TIE1: variants seen among roughly 807,000 people sequenced by gnomAD.
TIE1 encodes the protein tyrosine kinase with immunoglobulin like and EGF like domains 1.
Under a neutral mutation model 130.5 loss-of-function variants are expected in TIE1, and 89 were observed. The ratio of observed to expected loss-of-function variants is 0.68; its 90% CI spans 0.57 to 0.81. TIE1 has a LOEUF of 0.81. TIE1 is among the 40% of genes least tolerant of loss of function. TIE1 has a pLI of 0.00. For missense variants in TIE1, 1,392 were observed against 1,559.8 expected, an observed-to-expected ratio of 0.89 and a Z score of 1.81; for synonymous variants, 568 against 629.4, an observed-to-expected ratio of 0.90 and a Z score of 1.46.
rs1165351698 is a variant in TIE1, at chr1:43,317,218, A to C, written c.2429A>C (p.Gln810Pro). 2 of 1,614,092 alleles carry C rather than the reference A, an allele frequency of 1.2e-6. No homozygotes were observed. The highest frequency in any genetic ancestry group is 1.3e-5 in the African/African-American group (1 of 75,004). ...GTGAAGGGCGAGGAGACCATCCTGC[A>C]GTTCAGCTCAGGGACCTTGACACTT... The part of the protein sequence containing the change: ...QSGSGEETIL[Q>P]FSSGTLTLTR... The change falls in exon 15 of 23, where the codon CAG becomes CCG. Residue 810 changes from glutamine to proline, a missense_variant. By Grantham distance (76) the Gln-to-Pro change is moderately conservative. Around this residue, in one of 6 missense-constraint regions of TIE1, gnomAD observed 286 missense variants for 354.4 expected, o/e 0.81. Coordinates refer to ENST00000372476, the MANE Select transcript of TIE1 (RefSeq NM_005424.5). The surrounding 1 kb of genome is among the most constrained non-coding windows in gnomAD (Gnocchi z 5.1).
intron 1 of TIE1, 69 bp from the exon 2 acceptor site, chr1:43,304,782 G>A (rs1570428801): frequency 7.3e-7 from 1 of 1,363,152 alleles, no homozygotes; most frequent in African/African-American, 1.5e-5. Context: ...CCAGAGGGCT[G>A]GGGCTGGGGG....
intron 1 of TIE1, among the ~76,000 whole-genome samples, chr1:43,302,709 A>G (rs1455049467): frequency 2.0e-5 from 3 of 152,112 alleles, no homozygotes; most frequent in Non-Finnish European, 1.5e-5. Context: ...CCTGAGGGCA[A>G]TAGGGAGCCA....
rs1646798360 is a variant in TIE1, at chr1:43,311,884, T to A, written c.1492+55T>A. 8 of 1,587,546 alleles carry A rather than the reference T, an allele frequency of 5.0e-6. No homozygotes were observed. The East Asian group carries it at 6.8e-5, about 13-fold the overall frequency. On this transcript the variant is annotated intron_variant, in intron 10 of 22. Coordinates refer to ENST00000372476, the MANE Select transcript of TIE1 (RefSeq NM_005424.5). ...GAGGTGTTGGGTAATAGTGAAGGGA[T>A]ACAGTGAGCAGGAGAGGGAGGGCAA...
rs139358114 is a variant in TIE1 at position 43,317,286 on chromosome 1, G to C, written c.2497G>C (p.Val833Leu). 1.2e-6 allele frequency: 2 copies of C among 1,614,198 alleles called. No individual in the cohort carries two copies. The highest frequency in any genetic ancestry group is 1.7e-6 in the Non-Finnish European group (2 of 1,180,032). The change falls in exon 15 of 23, where the codon GTG becomes CTG. Residue 833 changes from valine to leucine, a missense_variant. By Grantham distance (32) the Val-to-Leu change is conservative (BLOSUM62 1). This residue lies in a region of TIE1 where 286 missense variants were observed against 354.4 expected (regional missense o/e 0.81). Coordinates refer to ENST00000372476, the MANE Select transcript of TIE1 (RefSeq NM_005424.5). This position sits in a 1 kb window ranked among gnomAD's most constrained non-coding sequence, Gnocchi z 5.1. The stretch of plus-strand genomic sequence containing the variant: ...GCAGCCCGAGCCCCTGAGCTACCCA[G>C]TGCTAGAGTGGGAGGACATCACCTT... ...KLQPEPLSYP[V>L]LEWEDITFED...
Position 43,309,582 on chromosome 1 carries a change from T to C in TIE1, c.1333+50T>C. 2 of 1,525,836 alleles carry C rather than the reference T, an allele frequency of 1.3e-6. No individual in the cohort carries two copies. The highest frequency in any genetic ancestry group is 1.8e-6 in the Non-Finnish European group (2 of 1,138,534). The allele number at this position is 1,525,836 out of a possible 1,614,324, so 94.5% of individuals were successfully genotyped here. ...GGAATGGACGGTGAGCAGAGTAGGCTCTAGATGATGCTGCTCAGGCTGGAG... is the reference window on the plus strand; with the variant it reads ...GGAATGGACGGTGAGCAGAGTAGGCCCTAGATGATGCTGCTCAGGCTGGAG... On this transcript the variant is annotated intron_variant, in intron 9 of 22. Coordinates refer to ENST00000372476, the MANE Select transcript of TIE1 (RefSeq NM_005424.5). The surrounding 1 kb of genome is among the most constrained non-coding windows in gnomAD (Gnocchi z 6.3).
Position 43,306,784 on chromosome 1 carries a change from G to T in TIE1, c.485-56G>T. The T allele has an allele frequency of 6.5e-7, 1 of 1,546,632 alleles. No homozygotes were observed. On this transcript the variant is annotated intron_variant, in intron 3 of 22. Transcript: ENST00000372476. The surrounding 1 kb of genome is among the most constrained non-coding windows in gnomAD (Gnocchi z 4.9). ...TGAGCTGAGCAGAGGTGGACAGAGAGAGGTGACACAGCCCTCATGTAGTGC... is the reference window on the plus strand; with the variant it reads ...TGAGCTGAGCAGAGGTGGACAGAGATAGGTGACACAGCCCTCATGTAGTGC...
Position 43,307,366 on chromosome 1 carries a change from G to T in TIE1, c.773-66G>T. 8 of 1,611,322 alleles carry T rather than the reference G, an allele frequency of 5.0e-6. No homozygotes were observed. The highest frequency in any genetic ancestry group is 6.8e-6 in the Non-Finnish European group (8 of 1,178,268). On this transcript the variant is annotated intron_variant, in intron 5 of 22. Transcript: ENST00000372476. This position sits in a 1 kb window ranked among gnomAD's most constrained non-coding sequence, Gnocchi z 5.4. ...TGTGGGTGGAGCTTGGAGGGTAAGG[G>T]CGACAGGCAGGTCCTGGGCCCAGGG... is the stretch of plus-strand genomic sequence containing the variant.
rs756843407 is a variant in TIE1, at chr1:43,312,400, G to C, written c.1726G>C (p.Val576Leu). ...WSLPLVPGPL[V>L]GDGFLLRLWD... ...CTTGCCCTTGGTGCCCGGGCCACTGGTGGGCGACGGTTTCCTGCTGCGCCT... is the reference window on the plus strand; with the variant it reads ...CTTGCCCTTGGTGCCCGGGCCACTGCTGGGCGACGGTTTCCTGCTGCGCCT... The change falls in exon 12 of 23, where the codon GTG becomes CTG. Residue 576 changes from valine (V) to leucine (L), a missense_variant. Around this residue, in one of 6 missense-constraint regions of TIE1, gnomAD observed 551 missense variants for 565.5 expected, o/e 0.97. Coordinates refer to ENST00000372476, the MANE Select transcript of TIE1 (RefSeq NM_005424.5). The surrounding 1 kb of genome is among the most constrained non-coding windows in gnomAD (Gnocchi z 5.6). 3.1e-6 allele frequency: 5 copies of C among 1,607,000 alleles called. No individual in the cohort carries two copies. Among genetic ancestry groups the C allele is most frequent in the Non-Finnish European group, 4.2e-6 (5 of 1,176,892 alleles).
intron 7 of TIE1, among the ~76,000 whole-genome samples, chr1:43,308,321 C>T (rs1646751333): frequency 1.3e-5 from 2 of 151,854 alleles, no homozygotes; most frequent in African/African-American, 4.8e-5. Flanking sequence ...ATTGGGGACT[C>T]AGGTTTGGGT....
At chr1:43,302,978 A>G in intron 1 of TIE1, among the ~76,000 whole-genome samples, 1 of 152,132 alleles carries the variant, frequency 6.6e-6, no homozygotes. Context: ...TGGCCCTGCC[A>G]CTCACTAATT....
chr1:43,317,840 G>T lies in TIE1; in HGVS notation c.2732-42G>T. On this transcript the variant is annotated intron_variant, in intron 16 of 22. Coordinates refer to ENST00000372476, the MANE Select transcript of TIE1 (RefSeq NM_005424.5). This position sits in a 1 kb window ranked among gnomAD's most constrained non-coding sequence, Gnocchi z 5.1. ...CGGGTGCCTGCTCCCACCCTAGGTT[G>T]CCTGTGTCTAAATCACCACTGTCTG... The T allele has an allele frequency of 6.2e-7, 1 of 1,605,814 alleles. No homozygotes were observed. Among genetic ancestry groups the T allele is most frequent in the South Asian group, 1.1e-5 (1 of 90,424 alleles).
intron 1 of TIE1, chr1:43,302,495 T>C (rs1026869663): frequency 6.6e-6 from 1 of 152,186 alleles, no homozygotes; most frequent in Non-Finnish European, 1.5e-5. Flanking sequence ...GAGGAGGAGT[T>C]CAGCTTACAC....
Position 43,322,694 on chromosome 1 carries a change from G to C in TIE1, c.3389G>C (p.Gly1130Ala). The change falls in exon 23 of 23, where the codon GGC becomes GCC. Residue 1130 changes from glycine (G) to alanine (A), a missense_variant. By Grantham distance (60) the Gly-to-Ala change is moderately conservative. Coordinates refer to ENST00000372476, the MANE Select transcript of TIE1 (RefSeq NM_005424.5). The surrounding 1 kb of genome is among the most constrained non-coding windows in gnomAD (Gnocchi z 4.0). Reference protein sequence around the residue: ...MSLFENFTYAGIDATAEEA With the variant: ...MSLFENFTYAAIDATAEEA The stretch of plus-strand genomic sequence containing the variant: ...CTGTTTGAGAACTTCACTTACGCGG[G>C]CATTGATGCCACAGCTGAGGAGGCC... 1 of 1,614,044 alleles carries C rather than the reference G, an allele frequency of 6.2e-7. No homozygotes were observed. The highest frequency in any genetic ancestry group is 8.5e-7 in the Non-Finnish European group (1 of 1,180,046).
At position 43,313,837 on chromosome 1, in the gene TIE1, C is replaced by A; in HGVS notation, c.2278C>A (p.Gln760Lys). The change falls in exon 14 of 23, where the codon CAG (glutamine) becomes AAG (lysine). Residue 760 changes from glutamine (Q) to lysine (K), a missense_variant. Around this residue, in one of 6 missense-constraint regions of TIE1, gnomAD observed 286 missense variants for 354.4 expected, o/e 0.81. Coordinates refer to ENST00000372476, the MANE Select transcript of TIE1 (RefSeq NM_005424.5). This position sits in a 1 kb window ranked among gnomAD's most constrained non-coding sequence, Gnocchi z 6.2. ...SRAAEEGLDQ[Q>K]LILAVVGSVS... ...GGCAGCTGAAGAGGGCCTGGATCAG[C>A]AGCTGATCCTGGCGGTGGTGGGCTC... is the stretch of plus-strand genomic sequence containing the variant. 6.2e-7 allele frequency: 1 copy of A among 1,614,140 alleles called. No homozygotes were observed. The highest frequency in any genetic ancestry group is 8.5e-7 in the Non-Finnish European group (1 of 1,180,014).
chr1:43,317,855 A>T lies in TIE1; in HGVS notation c.2732-27A>T, dbSNP rs1646874957. 3.1e-6 allele frequency: 5 copies of T among 1,611,774 alleles called. No homozygotes were observed. Among genetic ancestry groups the T allele is most frequent in the Non-Finnish European group, 4.2e-6 (5 of 1,178,590 alleles). On this transcript the variant is annotated intron_variant, in intron 16 of 22. Coordinates refer to ENST00000372476, the MANE Select transcript of TIE1 (RefSeq NM_005424.5). This position sits in a 1 kb window ranked among gnomAD's most constrained non-coding sequence, Gnocchi z 5.1. Reference sequence around the variant, plus strand: ...ACCCTAGGTTGCCTGTGTCTAAATCACCACTGTCTGTCTCTTTGCCTCTCA... The same window carrying T: ...ACCCTAGGTTGCCTGTGTCTAAATCTCCACTGTCTGTCTCTTTGCCTCTCA...
Position 43,313,408 on chromosome 1 carries a change from A to T in TIE1, c.2201A>T (p.Glu734Val). 6.2e-7 allele frequency: 1 copy of T among 1,613,882 alleles called. No homozygotes were observed. The change falls in exon 13 of 23, where the codon GAG becomes GTG. Residue 734 changes from glutamate to valine, a missense_variant. Glu to Val is a moderately radical substitution (Grantham distance 121). Coordinates refer to ENST00000372476, the MANE Select transcript of TIE1 (RefSeq NM_005424.5). The surrounding 1 kb of genome is among the most constrained non-coding windows in gnomAD (Gnocchi z 6.2). ...GLGDWSNTVE[E>V]STLGNGLQAE... is the part of the protein sequence containing the mutation. ...GGGGACTGGAGCAACACAGTAGAAG[A>T]GTCCACCCTGGGCAACGGTGAGAGG...
Position 43,313,541 on chromosome 1 carries a change from A to G in TIE1, c.2218+116A>G. The G allele has an allele frequency of 7.5e-7, 1 of 1,341,914 alleles. No homozygotes were observed. The highest frequency in any genetic ancestry group is 1.0e-6 in the Non-Finnish European group (1 of 980,330). 83.1% of individuals were successfully genotyped at this position (1,341,914 alleles called of 1,614,324 possible). On this transcript the variant is annotated intron_variant, in intron 13 of 22. Transcript: ENST00000372476. The surrounding 1 kb of genome is among the most constrained non-coding windows in gnomAD (Gnocchi z 6.2). Reference sequence around the variant, plus strand: ...AGGGCATCCCAGGCCCCTCCTGACAAAGAGTCAGCCCCAGTCCTGGGGACT... The same window carrying G: ...AGGGCATCCCAGGCCCCTCCTGACAGAGAGTCAGCCCCAGTCCTGGGGACT...
At position 43,309,451 on chromosome 1, in the gene TIE1, C is replaced by T; in HGVS notation, c.1252C>T (p.Leu418Phe). Residue 418 changes from leucine (L) to phenylalanine (F), a missense_variant, in exon 9 of 23, where the codon CTT becomes TTT. Coordinates refer to ENST00000372476, the MANE Select transcript of TIE1 (RefSeq NM_005424.5). This position sits in a 1 kb window ranked among gnomAD's most constrained non-coding sequence, Gnocchi z 6.3. Reference sequence around the variant, plus strand: ...TGAGTTCGAGGTGCCCCGCTTGGTTCTTGCGGACAGTGGGTTCTGGGAGTG... The same window carrying T: ...TGAGTTCGAGGTGCCCCGCTTGGTTTTTGCGGACAGTGGGTTCTGGGAGTG... ...TAEFEVPRLV[L>F]ADSGFWECRV... The T allele has an allele frequency of 6.2e-7, 1 of 1,612,400 alleles. No homozygotes were observed. The highest frequency in any genetic ancestry group is 2.2e-5 in the East Asian group (1 of 44,870).
intron 7 of TIE1, 91 bp from the exon 8 acceptor site, chr1:43,308,895 C>T (rs1646758842): frequency 6.4e-7 from 1 of 1,572,302 alleles, no homozygotes; most frequent in Non-Finnish European, 8.7e-7. Context: ...GTAGATACCT[C>T]CACTGAGAAA....
Sources: allele counts gnomAD v4.1 joint callset (sites outside exome capture counted in the v4.1 genomes callset), GRCh38; gene constraint gnomAD v4.1.1; regional missense constraint gnomAD v4.1.1; non-coding constraint Gnocchi (gnomAD v3.1); transcripts MANE v1.5; gene names NCBI Gene and HGNC (gene_info 2026-07-23, HGNC 2026-07-21).